FAF2: variants seen among roughly 807,000 people sequenced by gnomAD.
The protein encoded by FAF2 is FAS-associated factor 2.
Under a neutral mutation model 62.3 loss-of-function variants are expected in FAF2, and 9 were observed. The observed-to-expected ratio is 0.14, with a 90% CI of 0.09 to 0.25. The LOEUF (loss-of-function observed/expected upper bound fraction) is 0.25. FAF2 is among the 10% of genes least tolerant of loss of function. The pLI is 1.00. For synonymous variants in FAF2, 202 were observed against 198.0 expected (o/e 1.02, Z -0.17); for missense variants, 368 against 556.2 (o/e 0.66, Z 3.40).
intron 3 of FAF2, among the ~76,000 whole-genome samples, chr5:176,487,528 T>C (rs1162632255): frequency 6.6e-6 from 1 of 152,180 alleles, no homozygotes; most frequent in Non-Finnish European, 1.5e-5. Flanking sequence ...TCTGTGGTTT[T>C]CTGAAGTACA....
chr5:176,466,081 G>A (rs1460140271), intron 1 of FAF2, among the ~76,000 whole-genome samples: 5 of 152,206 alleles, frequency 3.3e-5, no homozygotes, highest in Admixed American at 3.3e-4. Context: ...CACGGTAATA[G>A]ATGTTTAGTA....
chr5:176,455,569 G>C (rs1467645869), intron 1 of FAF2, among the ~76,000 whole-genome samples: 1 of 152,164 alleles, frequency 6.6e-6, no homozygotes, highest in Non-Finnish European at 1.5e-5. Flanking sequence ...GGCCAACATG[G>C]TGAAACCCCA....
At chr5:176,486,897 T>C (rs1758883085) in intron 3 of FAF2, among the ~76,000 whole-genome samples, 1 of 152,122 alleles carries the variant, frequency 6.6e-6, no homozygotes, top group Non-Finnish European at 1.5e-5. Flanking sequence ...CATTTAAGAG[T>C]ACTCCAATAA....
At chr5:176,496,038 T>C (rs1174303629) in intron 7 of FAF2, among the ~76,000 whole-genome samples, 1 of 152,216 alleles carries the variant, frequency 6.6e-6, no homozygotes, top group East Asian at 1.9e-4. Context: ...AGATCCTTTT[T>C]GTACCATCAA....
intron 10 of FAF2, among the ~76,000 whole-genome samples, chr5:176,504,822 C>A (rs897423568): frequency 3.3e-5 from 5 of 151,994 alleles, no homozygotes; most frequent in Admixed American, 1.3e-4. Flanking sequence ...CTTTAAAAAT[C>A]CCTGAAGAGG....
intron 10 of FAF2, among the ~76,000 whole-genome samples, chr5:176,502,871 A>G (rs1755618994): frequency 6.6e-6 from 1 of 151,760 alleles, no homozygotes; most frequent in South Asian, 2.1e-4. Flanking sequence ...AATATGGTGA[A>G]ACGCCGTCTT....
rs1281732375 is a variant in FAF2 at position 176,448,386 on chromosome 5, G to A, written c.-22G>A. 1 of 1,599,560 alleles carries A rather than the reference G, an allele frequency of 6.3e-7. No individual in the cohort carries two copies. Among genetic ancestry groups the A allele is most frequent in the African/African-American group, 1.3e-5 (1 of 74,848 alleles). Reference sequence around the variant, plus strand: ...GGCGGGTGACGGTGCGGACGGGTCAGGAGCGTAGAGGCGGCGGCAAAATGG... The same window carrying A: ...GGCGGGTGACGGTGCGGACGGGTCAAGAGCGTAGAGGCGGCGGCAAAATGG... On this transcript the variant is annotated 5_prime_UTR_variant, in exon 1 of 11. Transcript: ENST00000261942.
chr5:176,449,826 T>C (rs1181355945), intron 1 of FAF2, among the ~76,000 whole-genome samples: 1 of 152,242 alleles, frequency 6.6e-6, no homozygotes, highest in Admixed American at 6.5e-5. Context: ...ATTTCAGATG[T>C]AAGTACTTTG....
chr5:176,472,737 AAAAGAAAG>A (rs1328911425), intron 1 of FAF2, among the ~76,000 whole-genome samples: 3 of 148,398 alleles, frequency 2.0e-5, no homozygotes, highest in African/African-American at 7.4e-5. Context: ...AAAAAAAAAG[AAAAGAAAG>A]AAAGAAAAAA....
chr5:176,503,884 G>A (rs74292759), intron 10 of FAF2, among the ~76,000 whole-genome samples: 2 of 152,192 alleles, frequency 1.3e-5, no homozygotes, highest in African/African-American at 4.8e-5. Flanking sequence ...AATGCCGGCC[G>A]AGTGCGGTGG....
chr5:176,506,211 A>C (rs9765363), intron 10 of FAF2, among the ~76,000 whole-genome samples: 3 of 151,338 alleles, frequency 2.0e-5, no homozygotes, highest in Non-Finnish European at 4.4e-5. Context: ...AAAAAACAAA[A>C]AAAAAAAACT....
At chr5:176,475,346 T>C (rs925344014) in intron 1 of FAF2, among the ~76,000 whole-genome samples, 8 of 152,086 alleles carry the variant, frequency 5.3e-5, no homozygotes, top group African/African-American at 1.9e-4. Flanking sequence ...TTGGCCAGGC[T>C]GGTCTTAACT....
Position 176,479,236 on chromosome 5 carries a change from C to G in FAF2, c.112C>G (p.Gln38Glu). 1 of 1,613,474 alleles carries G rather than the reference C, an allele frequency of 6.2e-7. No individual in the cohort carries two copies. Among genetic ancestry groups the G allele is most frequent in the Non-Finnish European group, 8.5e-7 (1 of 1,179,484 alleles). The change falls in exon 2 of 11, where the codon CAG becomes GAG. Residue 38 changes from glutamine to glutamate, a missense_variant. Physicochemically the swap from Gln to Glu is conservative, Grantham distance 29. This residue lies in a region of FAF2 where 331 missense variants were observed against 441.9 expected (regional missense o/e 0.75). Transcript: ENST00000261942. The part of the protein sequence containing the change: ...SMDQCRHTLE[Q>E]HNWNIEAAVQ... ...GGATCAGTGTCGCCATACCTTGGAA[C>G]AGCATAACTGGAACATAGAGGTATA...
In FAF2 at chr5:176,493,989, T is replaced by G; in HGVS notation, c.484-10T>G. 1 of 1,607,120 alleles carries G rather than the reference T, an allele frequency of 6.2e-7. No individual in the cohort carries two copies. Among genetic ancestry groups the G allele is most frequent in the Non-Finnish European group, 8.5e-7 (1 of 1,174,778 alleles). ...CTTCTTAATAGTGAGTGACCTTCTC[T>G]TTCTCACAGGCACTTAACGATGCCA... On this transcript the variant is annotated splice_polypyrimidine_tract_variant and intron_variant, in intron 5 of 10. Coordinates refer to ENST00000261942, the MANE Select transcript of FAF2 (RefSeq NM_014613.3).
chr5:176,504,246 C>T (rs971686774), intron 10 of FAF2, among the ~76,000 whole-genome samples: 7 of 152,124 alleles, frequency 4.6e-5, no homozygotes, highest in South Asian at 4.2e-4. Flanking sequence ...GAGGCCGAGA[C>T]GGGTGGGTCA....
At chr5:176,496,206 T>C (rs1755472083) in intron 7 of FAF2, among the ~76,000 whole-genome samples, 1 of 152,128 alleles carries the variant, frequency 6.6e-6, no homozygotes, top group Admixed American at 6.5e-5. Context: ...GAACTGGGCA[T>C]GGTGGCACAC....
At chr5:176,486,767 A>G (rs186104415) in intron 3 of FAF2, among the ~76,000 whole-genome samples, 2 of 152,132 alleles carry the variant, frequency 1.3e-5, no homozygotes, top group Admixed American at 6.5e-5. Flanking sequence ...GCTTCAGTTT[A>G]CTTAATCTTA....
intron 1 of FAF2, among the ~76,000 whole-genome samples, chr5:176,461,114 G>A (rs1357041147): frequency 6.6e-6 from 1 of 151,258 alleles, no homozygotes; most frequent in African/African-American, 2.4e-5. Flanking sequence ...CCAGGTTCAA[G>A]CGATGTCTCT....
At chr5:176,496,456 T>C in intron 7 of FAF2, 30 bp from the exon 8 acceptor site, 1 of 1,517,660 alleles carries the variant, frequency 6.6e-7, no homozygotes. Context: ...CGTCAAGTCC[T>C]GCCCTTGATC....
Sources: allele counts gnomAD v4.1 joint callset (sites outside exome capture counted in the v4.1 genomes callset), GRCh38; gene constraint gnomAD v4.1.1; regional missense constraint gnomAD v4.1.1; transcripts MANE v1.5; gene names NCBI Gene and HGNC (gene_info 2026-07-23, HGNC 2026-07-21).